The following SLA variants were observed in gnomAD, a reference collection of about 807,000 sequenced individuals.
The protein encoded by SLA is src-like-adapter.
Under a neutral mutation model 30.3 loss-of-function variants are expected in SLA, and 16 were observed. The ratio of observed to expected loss-of-function variants is 0.53; its 90% CI spans 0.36 to 0.80. The LOEUF is 0.80. SLA is among the 30% of genes least tolerant of loss of function. SLA has a pLI of 0.01. For missense variants in SLA, 310 were observed against 345.2 expected (o/e 0.90, Z 0.81); for synonymous variants, 143 against 137.8 (o/e 1.04, Z -0.26).
At chr8:133,099,616 T>A (rs1848949737) in intron 1 of SLA, among the ~76,000 whole-genome samples, 1 of 152,202 alleles carries the variant, frequency 6.6e-6, no homozygotes, top group African/African-American at 2.4e-5. Flanking sequence ...GACTGCCGAT[T>A]CCACCTCTGC....
chr8:133,039,149 G>A (rs1282556068), intron 8 of SLA, among the ~76,000 whole-genome samples: 1 of 152,146 alleles, frequency 6.6e-6, no homozygotes. Context: ...AAAGTGCTGG[G>A]GTTACAGGCG....
At chr8:133,041,636 C>T (rs1838261627) in intron 7 of SLA, among the ~76,000 whole-genome samples, 1 of 152,098 alleles carries the variant, frequency 6.6e-6, no homozygotes, top group Admixed American at 6.6e-5. Flanking sequence ...CCGTGAGTGT[C>T]CTTCCTTAGA....
rs1837251276 is a variant in SLA at position 133,037,139 on chromosome 8, T to G, written c.*1385A>C. ...ATGTGAGCAGACAGACAGGGAGAGA[T>G]ACTGCAAGCATGTTCCCCTCCTTCC... On this transcript the variant is annotated 3_prime_UTR_variant, in exon 9 of 9. Transcript: ENST00000338087. 6.6e-6 allele frequency: 1 copy of G among 152,196 alleles called. No individual in the cohort carries two copies. The highest frequency in any genetic ancestry group is 6.5e-5 in the Admixed American group (1 of 15,288). 9.4% of individuals were successfully genotyped at this position (152,196 alleles called of 1,614,324 possible).
chr8:133,076,279 G>A (rs1227515511), intron 1 of SLA, among the ~76,000 whole-genome samples: 27 of 152,182 alleles, frequency 1.8e-4, no homozygotes, highest in East Asian at 1.9e-4. Context: ...ATCTACGGCC[G>A]GTGACCCAGG....
chr8:133,082,846 T>C (rs1845965244), intron 1 of SLA, among the ~76,000 whole-genome samples: 1 of 152,258 alleles, frequency 6.6e-6, no homozygotes, highest in South Asian at 2.1e-4. Flanking sequence ...GATAAGATTC[T>C]GTTATTGTTA....
At chr8:133,066,804 A>G (rs1587965330) in intron 2 of SLA, among the ~76,000 whole-genome samples, 2 of 152,230 alleles carry the variant, frequency 1.3e-5, no homozygotes, top group Non-Finnish European at 1.5e-5. Flanking sequence ...ATTATGGGTC[A>G]TATCTAAAGC....
At chr8:133,074,379 G>A (rs1844548046) in intron 2 of SLA, among the ~76,000 whole-genome samples, 1 of 152,122 alleles carries the variant, frequency 6.6e-6, no homozygotes, top group Non-Finnish European at 1.5e-5. Context: ...CTGAGCACCT[G>A]CTGTATGCTG....
intron 1 of SLA, among the ~76,000 whole-genome samples, chr8:133,091,178 T>A (rs1196935992): frequency 6.6e-6 from 1 of 152,250 alleles, no homozygotes; most frequent in Non-Finnish European, 1.5e-5. Flanking sequence ...CATTGTTGTG[T>A]CTGTGCTGGG....
At chr8:133,040,611 C>A (rs1049138317) in intron 7 of SLA, among the ~76,000 whole-genome samples, 3 of 150,930 alleles carry the variant, frequency 2.0e-5, no homozygotes, top group African/African-American at 7.3e-5. Context: ...TGTGCATTTA[C>A]AATGGAACAG....
At chr8:133,090,717 C>A (rs527633994) in intron 1 of SLA, among the ~76,000 whole-genome samples, 6 of 152,128 alleles carry the variant, frequency 3.9e-5, no homozygotes, top group African/African-American at 1.4e-4. Flanking sequence ...GCTCTGTGAA[C>A]GCTGATCATA....
chr8:133,057,713 G>T (rs1841698994), intron 3 of SLA, among the ~76,000 whole-genome samples: 2 of 150,524 alleles, frequency 1.3e-5, no homozygotes, highest in South Asian at 4.2e-4. Context: ...TAAGACATTA[G>T]TTCCTGAGAA....
At chr8:133,054,558 A>T (rs1440269304) in intron 3 of SLA, among the ~76,000 whole-genome samples, 2 of 152,236 alleles carry the variant, frequency 1.3e-5, no homozygotes, top group Non-Finnish European at 2.9e-5. Context: ...TAGTAAGTGG[A>T]AGCTAATATT....
At position 133,060,213 on chromosome 8, in the gene SLA, A is replaced by C; in HGVS notation, c.-40-13T>G. The C allele has an allele frequency of 1.9e-6, 3 of 1,613,318 alleles. No individual in the cohort carries two copies. The highest frequency in any genetic ancestry group is 1.7e-6 in the Non-Finnish European group (2 of 1,179,646). Reference sequence around the variant, plus strand: ...TGATGCCCAGAGCCTGTGGTATAGGAGACAGACGGGGAAAGTCAACCGTGC... The same window carrying C: ...TGATGCCCAGAGCCTGTGGTATAGGCGACAGACGGGGAAAGTCAACCGTGC... On this transcript the variant is annotated splice_polypyrimidine_tract_variant and intron_variant, in intron 2 of 8. Coordinates refer to ENST00000338087, the MANE Select transcript of SLA (RefSeq NM_001045556.3).
intron 6 of SLA, chr8:133,046,433 T>C (rs1839411767): frequency 6.6e-6 from 1 of 152,264 alleles, no homozygotes; most frequent in African/African-American, 2.4e-5. Context: ...CTCACAGTGC[T>C]CTAGGCCTGC....
chr8:133,049,131 G>A (rs1839970593), intron 5 of SLA: 1 of 456,144 alleles, frequency 2.2e-6, no homozygotes, highest in Admixed American at 2.4e-5. Context: ...TTGTGCCCAG[G>A]TGTTCAGGGC....
At chr8:133,098,079 G>A (rs1848700950) in intron 1 of SLA, among the ~76,000 whole-genome samples, 1 of 152,078 alleles carries the variant, frequency 6.6e-6, no homozygotes, top group Non-Finnish European at 1.5e-5. Context: ...TTTCTGCCAA[G>A]CACTCACATA....
At chr8:133,059,972 C>A in intron 3 of SLA, 128 bp downstream of exon 3, 1 of 908,138 alleles carries the variant, frequency 1.1e-6, no homozygotes, top group Non-Finnish European at 1.6e-6. Flanking sequence ...ACTAGAGAGA[C>A]AGATATAATG....
chr8:133,061,744 C>G (rs1377656942), intron 2 of SLA, among the ~76,000 whole-genome samples: 1 of 152,174 alleles, frequency 6.6e-6, no homozygotes, highest in South Asian at 2.1e-4. Context: ...CAAAAGTCAG[C>G]CCATCCAACT....
chr8:133,059,589 G>A (rs1014160150), intron 3 of SLA, among the ~76,000 whole-genome samples: 4 of 151,896 alleles, frequency 2.6e-5, no homozygotes, highest in African/African-American at 9.7e-5. Context: ...TCCCACCAAT[G>A]GGACATAAGG....
Sources: gnomAD v4.1 joint callset for allele counts (sites outside exome capture counted in the v4.1 genomes callset) on GRCh38, gnomAD v4.1.1 for gene constraint, MANE v1.5 for transcripts, NCBI Gene and HGNC (gene_info 2026-07-23, HGNC 2026-07-21) for gene names.